KDM2B: variants seen among roughly 807,000 people sequenced by gnomAD.
KDM2B encodes the protein lysine-specific demethylase 2B.
A neutral mutation model predicts 150.0 loss-of-function variants in KDM2B; 26 were observed. The observed-to-expected ratio is 0.17, with a 90% CI of 0.13 to 0.24. The LOEUF (loss-of-function observed/expected upper bound fraction) is 0.24. KDM2B is among the 10% of genes least tolerant of loss of function. The probability of loss-of-function intolerance (pLI) is 1.00; values close to 1 mark genes in which losing one functional copy is unlikely to be tolerated. For synonymous variants in KDM2B, 734 were observed against 729.5 expected, an observed-to-expected ratio of 1.01 and a Z score of -0.10; for missense variants, 1,265 against 1,816.9, an observed-to-expected ratio of 0.70 and a Z score of 5.52.
In KDM2B at chr12:121,542,681, C is replaced by G. The variant is rs1005006300; in HGVS notation, c.683+6196G>C. Among the ~76,000 whole-genome samples, 13 of 152,316 alleles carry G rather than the reference C, an allele frequency of 8.5e-5. No homozygotes were observed. In the East Asian group the frequency reaches 1.9e-3, roughly 23 times the overall value. ...AAGGAATTTTCTAAGACAAATGGTTCTATACATCCAATGCATTCCTGCAGG... is the reference window on the plus strand; with the variant it reads ...AAGGAATTTTCTAAGACAAATGGTTGTATACATCCAATGCATTCCTGCAGG... On this transcript the variant is annotated intron_variant, in intron 6 of 22. Coordinates refer to ENST00000377071, the MANE Select transcript of KDM2B (RefSeq NM_032590.5).
chr12:121,490,034 C>T (rs570148962), intron 12 of KDM2B, among the ~76,000 whole-genome samples: 4 of 152,314 alleles, frequency 2.6e-5, no homozygotes, highest in South Asian at 4.1e-4. Context: ...AGGGACCCGC[C>T]GGAAGCACTC....
chr12:121,500,619 C>A (rs1406772975), intron 11 of KDM2B, among the ~76,000 whole-genome samples: 5 of 152,208 alleles, frequency 3.3e-5, no homozygotes, highest in African/African-American at 9.6e-5. Context: ...ATCCACAGGC[C>A]GGCAAAGGGA....
At chr12:121,574,451 A>G in intron 4 of KDM2B, 96 bp downstream of exon 4, 1 of 1,161,966 alleles carries the variant, frequency 8.6e-7, no homozygotes, top group South Asian at 1.3e-5. Flanking sequence ...CTTTGTTTTG[A>G]GAGGCAGTTA....
At chr12:121,579,663 G>A (rs1382413732) in intron 1 of KDM2B, 2 of 1,368,604 alleles carry the variant, frequency 1.5e-6, no homozygotes, top group Non-Finnish European at 1.9e-6. Context: ...ACTTCCTAAG[G>A]AGACTCCCCC....
At chr12:121,459,019 G>A (rs1289367957) in intron 12 of KDM2B, among the ~76,000 whole-genome samples, 1 of 150,130 alleles carries the variant, frequency 6.7e-6, no homozygotes, top group African/African-American at 2.5e-5. Context: ...CCGGGAGGCA[G>A]AGGTTGTAGT....
rs1208166790 is a variant in KDM2B at position 121,436,496 on chromosome 12, G to A, written c.3829+3361C>T. On this transcript the variant is annotated intron_variant, in intron 22 of 22. Coordinates refer to ENST00000377071, the MANE Select transcript of KDM2B (RefSeq NM_032590.5). ...AGATCGCGCAATTGCACTCCAGCCT[G>A]GGCGACAGAGTGAGACTCCATCTCA... Among the ~76,000 whole-genome samples, 5 of 150,546 alleles carry A rather than the reference G, an allele frequency of 3.3e-5. No individual in the cohort carries two copies. In the East Asian group the frequency reaches 9.8e-4, roughly 29 times the overall value.
In KDM2B at chr12:121,443,799, G is replaced by T. The variant is rs782784127; in HGVS notation, c.2452-6C>A. On this transcript the variant is annotated splice_region_variant and splice_polypyrimidine_tract_variant and intron_variant, in intron 16 of 22. Transcript: ENST00000377071. The stretch of plus-strand genomic sequence containing the variant: ...GACGTTTGAAGCGATGAGGCCTAAA[G>T]GGGGGTGGAGTGGGAAGAGGAGTGA... 1.3e-6 allele frequency: 2 copies of T among 1,544,930 alleles called. No homozygotes were observed. The highest frequency in any genetic ancestry group is 2.2e-5 in the East Asian group (1 of 44,624).
At chr12:121,479,047 G>A (rs1216504048) in intron 12 of KDM2B, among the ~76,000 whole-genome samples, 2 of 152,056 alleles carry the variant, frequency 1.3e-5, no homozygotes, top group Non-Finnish European at 2.9e-5. Context: ...CAGGGGTAAA[G>A]GGAGTTCTCA....
rs782663571 is a variant in KDM2B at position 121,442,736 on chromosome 12, G to C, written c.2705C>G (p.Pro902Arg). ...EPEDELPEAP[P>R]KTRESDHSRS... Reference sequence around the variant, plus strand: ...GGAGTGGTCGCTCTCCCTGGTCTTGGGGGGCGCCTCGGGCAGTTCGTCCTC... The same window carrying C: ...GGAGTGGTCGCTCTCCCTGGTCTTGCGGGGCGCCTCGGGCAGTTCGTCCTC... Residue 902 changes from proline to arginine, a missense_variant, in exon 19 of 23, where the codon CCC (proline) becomes CGC (arginine). Pro to Arg is a moderately radical substitution (Grantham distance 103). Coordinates refer to ENST00000377071, the MANE Select transcript of KDM2B (RefSeq NM_032590.5). This position sits in a 1 kb window ranked among gnomAD's most constrained non-coding sequence, Gnocchi z 7.7. 1.1e-5 allele frequency: 17 copies of C among 1,563,760 alleles called. No homozygotes were observed. The highest frequency in any genetic ancestry group is 4.0e-5 in the Admixed American group (2 of 50,566).
chr12:121,524,138 C>T (rs1222913616), intron 8 of KDM2B, among the ~76,000 whole-genome samples: 1 of 152,174 alleles, frequency 6.6e-6, no homozygotes, highest in East Asian at 1.9e-4. Flanking sequence ...TATGGCCCCA[C>T]AAGCCTACCT....
At position 121,444,440 on chromosome 12, in the gene KDM2B, C is replaced by T. The variant is rs782178024; in HGVS notation, c.2190+10G>A. 105 of 1,614,064 alleles carry T rather than the reference C, an allele frequency of 6.5e-5. 5 individuals are homozygous for T. In the Middle Eastern group the frequency reaches 0.011, roughly 167 times the overall value. On this transcript the variant is annotated intron_variant, in intron 15 of 22. Coordinates refer to ENST00000377071, the MANE Select transcript of KDM2B (RefSeq NM_032590.5). Reference sequence around the variant, plus strand: ...CCGACTGACCCTGGGACTTGGAGCCCGGCACTCACTTTCCCGGTCTTGCCG... The same window carrying T: ...CCGACTGACCCTGGGACTTGGAGCCTGGCACTCACTTTCCCGGTCTTGCCG...
At chr12:121,569,347 T>C (rs1381079560) in intron 4 of KDM2B, among the ~76,000 whole-genome samples, 3 of 152,302 alleles carry the variant, frequency 2.0e-5, no homozygotes, top group Non-Finnish European at 4.4e-5. Context: ...GCTGGCAGGA[T>C]AGACGCCTGA....
Position 121,430,795 on chromosome 12 carries a change from C to G in KDM2B, c.3830-326G>C, listed in dbSNP as rs1340592999. 1.3e-5 allele frequency among the ~76,000 whole-genome samples: 2 copies of G among 152,160 alleles called. No individual in the cohort carries two copies. Among genetic ancestry groups the G allele is most frequent in the Admixed American group, 1.3e-4 (2 of 15,272 alleles). ...CTATGTGCTTTTACAATGATAGGTT[C>G]ACACACCATGTCAAGTAGCTTGCTT... On this transcript the variant is annotated intron_variant, in intron 22 of 22. Transcript: ENST00000377071. The surrounding 1 kb of genome is among the most constrained non-coding windows in gnomAD (Gnocchi z 4.4).
chr12:121,565,823 C>T (rs1176440291), intron 4 of KDM2B, among the ~76,000 whole-genome samples: 1 of 152,022 alleles, frequency 6.6e-6, no homozygotes, highest in African/African-American at 2.4e-5. Context: ...GACGGGGTTT[C>T]ACCATGTTGG....
At chr12:121,527,885 G>A (rs987019348) in intron 8 of KDM2B, among the ~76,000 whole-genome samples, 5 of 152,172 alleles carry the variant, frequency 3.3e-5, no homozygotes, top group South Asian at 2.1e-4. Flanking sequence ...TGGGGAGGCC[G>A]AGCCTGCAAA....
At chr12:121,540,401 G>T (rs782761407) in intron 6 of KDM2B, among the ~76,000 whole-genome samples, 2 of 152,084 alleles carry the variant, frequency 1.3e-5, no homozygotes, top group Non-Finnish European at 2.9e-5. Flanking sequence ...AAGGGTGAAT[G>T]TGCAATGTAG....
At position 121,429,163 on chromosome 12, in the gene KDM2B, C is replaced by T. The variant is rs892983260; in HGVS notation, c.*1125G>A. 49 of 152,598 alleles carry T rather than the reference C, an allele frequency of 3.2e-4. No homozygotes were observed. The highest frequency in any genetic ancestry group is 1.2e-3 in the African/African-American group (48 of 41,428). 9.5% of individuals were successfully genotyped at this position (152,598 alleles called of 1,614,324 possible). On this transcript the variant is annotated 3_prime_UTR_variant, in exon 23 of 23. Transcript: ENST00000377071. ...TCTAGTCCACTCCTAGAACAGAAAC[C>T]CTCAAAGTTCAAGAGTGGTTTTTTT...
intron 22 of KDM2B, among the ~76,000 whole-genome samples, chr12:121,438,830 T>TAAAAAA (rs782041300): frequency 7.3e-6 from 1 of 137,758 alleles, no homozygotes; most frequent in African/African-American, 2.7e-5. Context: ...TTTCTAAGGG[T>TAAAAAA]AAAAAAAAAA....
rs1555285178 is a variant in KDM2B, at chr12:121,430,282, C to T, written c.*6G>A. The stretch of plus-strand genomic sequence containing the variant: ...CCCGCCCCGTATTTACATACTTATC[C>T]TTGGACTAACTCAGTTTTTGCAGGA... On this transcript the variant is annotated 3_prime_UTR_variant, in exon 23 of 23. Coordinates refer to ENST00000377071, the MANE Select transcript of KDM2B (RefSeq NM_032590.5). This position sits in a 1 kb window ranked among gnomAD's most constrained non-coding sequence, Gnocchi z 4.4. 2 of 1,614,174 alleles carry T rather than the reference C, an allele frequency of 1.2e-6. No individual in the cohort carries two copies.
Sources: allele counts gnomAD v4.1 joint callset (sites outside exome capture counted in the v4.1 genomes callset), GRCh38; gene constraint gnomAD v4.1.1; non-coding constraint Gnocchi (gnomAD v3.1); transcripts MANE v1.5; gene names NCBI Gene and HGNC (gene_info 2026-07-23, HGNC 2026-07-21).